The following CCDC157 variants were observed in gnomAD, a reference collection of about 807,000 sequenced individuals.
CCDC157 encodes coiled-coil domain-containing protein 157.
Under a neutral mutation model 70.9 loss-of-function variants are expected in CCDC157, and 60 were observed. That is an observed-to-expected ratio of 0.85 (90% CI 0.69 to 1.05). The LOEUF is 1.05. CCDC157 is among the 50% of genes least tolerant of loss of function. The pLI is 0.00. For missense variants in CCDC157, 943 were observed against 984.2 expected, an observed-to-expected ratio of 0.96 and a Z score of 0.56; for synonymous variants, 373 against 422.4, an observed-to-expected ratio of 0.88 and a Z score of 1.43.
chr22:30,370,354 C>T lies in CCDC157; in HGVS notation c.449C>T (p.Thr150Ile). 1 of 1,614,020 alleles carries T rather than the reference C, an allele frequency of 6.2e-7. No homozygotes were observed. Among genetic ancestry groups the T allele is most frequent in the Non-Finnish European group, 8.5e-7 (1 of 1,179,996 alleles). ...GGGGCAAACCAAAGGGAGACTCCCA[C>T]CTCCAAGCCCACCACCAAGGGCGAG... is the stretch of plus-strand genomic sequence containing the variant. ...QKGANQRETP[T>I]SKPTTKGEPA... is the part of the protein sequence containing the mutation. The change falls in exon 5 of 12, where the codon ACC becomes ATC. Residue 150 changes from threonine to isoleucine, a missense_variant. Physicochemically the swap from Thr to Ile is moderately conservative, Grantham distance 89. Coordinates refer to ENST00000338306, the MANE Select transcript of CCDC157 (RefSeq NM_001017437.5).
chr22:30,356,913 G>C (rs1399796307), upstream of CCDC157: 4 of 847,584 alleles, frequency 4.7e-6, no homozygotes, highest in East Asian at 1.0e-4. Flanking sequence ...AGCGAGTTGC[G>C]GCCGCGAAGG....
In CCDC157 at chr22:30,377,338, A is replaced by G. The variant is rs115620247; in HGVS notation, c.*593A>G. On this transcript the variant is annotated 3_prime_UTR_variant, in exon 12 of 12. Transcript: ENST00000338306. The stretch of plus-strand genomic sequence containing the variant: ...TCTAAATCCTGGAGATCATAGCCCC[A>G]GGAGGCCACTGAAGGCGGGGCAAGG... 6.8e-3 allele frequency: 1,057 copies of G among 155,002 alleles called. 16 individuals are homozygous for G. The highest frequency in any genetic ancestry group is 0.024 in the African/African-American group (995 of 41,570). The allele number at this position is 155,002 out of a possible 1,614,324, so 9.6% of individuals were successfully genotyped here.
chr22:30,357,725 C>T (rs1932009862), intron 1 of CCDC157, among the ~76,000 whole-genome samples: 1 of 150,884 alleles, frequency 6.6e-6, no homozygotes, highest in African/African-American at 2.4e-5. Context: ...CCATGCTGGC[C>T]AGGCTGGTCT....
Position 30,377,294 on chromosome 22 carries a change from T to C in CCDC157, c.*549T>C. ...GGAACTCCTTGCCTTTAGGAAATGG[T>C]GACCGTCATGAAGGTTTCTCTAAAT... On this transcript the variant is annotated 3_prime_UTR_variant, in exon 12 of 12. Transcript: ENST00000338306. 6.4e-6 allele frequency: 1 copy of C among 157,138 alleles called. No individual in the cohort carries two copies. The highest frequency in any genetic ancestry group is 1.4e-5 in the Non-Finnish European group (1 of 70,632). The allele number at this position is 157,138 out of a possible 1,614,324, so 9.7% of individuals were successfully genotyped here.
intron 9 of CCDC157, 71 bp from the exon 10 acceptor site, chr22:30,375,408 C>A (rs1933278129): frequency 2.7e-6 from 4 of 1,479,620 alleles, no homozygotes; most frequent in Non-Finnish European, 3.8e-6. Context: ...CTACACAGCT[C>A]CTTTGTGCCT....
intron 5 of CCDC157, 114 bp downstream of exon 5, chr22:30,371,064 C>G (rs1932917787): frequency 1.5e-6 from 2 of 1,312,218 alleles, no homozygotes; most frequent in African/African-American, 2.9e-5. Context: ...AGAACCCAGG[C>G]TGGGACACAG....
chr22:30,373,880 G>T (rs1385730496), intron 8 of CCDC157, 43 bp from the exon 9 acceptor site: 1 of 1,579,948 alleles, frequency 6.3e-7, no homozygotes, highest in East Asian at 2.3e-5. Flanking sequence ...TGAGTACCAT[G>T]TAGCTCACTC....
chr22:30,356,673 G>T, upstream of CCDC157: 2 of 1,324,522 alleles, frequency 1.5e-6, no homozygotes, highest in Non-Finnish European at 1.0e-6. Context: ...TCCTGTGCGA[G>T]TAAGGAGCGC....
chr22:30,363,241 C>G (rs1037411428), intron 2 of CCDC157, among the ~76,000 whole-genome samples: 30 of 152,172 alleles, frequency 2.0e-4, no homozygotes, highest in African/African-American at 7.0e-4. Flanking sequence ...TCATCCAGAT[C>G]GCCACCTTCA....
chr22:30,371,197 G>T, intron 5 of CCDC157: 1 of 572,858 alleles, frequency 1.7e-6, no homozygotes, highest in Non-Finnish European at 3.1e-6. Context: ...CTCGTCCATC[G>T]GTCAGTGAGG....
intron 8 of CCDC157, 76 bp downstream of exon 8, chr22:30,373,840 T>C: frequency 6.5e-7 from 1 of 1,535,998 alleles, no homozygotes; most frequent in Admixed American, 2.0e-5. Flanking sequence ...CCCATGTCTT[T>C]TCTTGGGTAG....
At chr22:30,371,956 C>T (rs562156181) in intron 6 of CCDC157, 119 bp from the exon 7 acceptor site, 32 of 800,322 alleles carry the variant, frequency 4.0e-5, no homozygotes, top group Admixed American at 2.7e-5. Context: ...GGGTCTAGAG[C>T]CCCATTTTGT....
chr22:30,361,592 G>T (rs1009329931), intron 1 of CCDC157, among the ~76,000 whole-genome samples: 1 of 152,202 alleles, frequency 6.6e-6, no homozygotes, highest in Non-Finnish European at 1.5e-5. Flanking sequence ...AAAATTGTGT[G>T]TGTGGCTTAT....
intron 7 of CCDC157, chr22:30,372,550 C>G (rs1474781809): frequency 2.5e-6 from 1 of 407,778 alleles, no homozygotes; most frequent in Non-Finnish European, 4.3e-6. Flanking sequence ...GTGCCACACT[C>G]TCCTGCCAGA....
chr22:30,356,861 C>G, upstream of CCDC157: 3 of 1,237,816 alleles, frequency 2.4e-6, no homozygotes, highest in Non-Finnish European at 3.1e-6. Context: ...GACAGCCTCC[C>G]CGCTCGGTCA....
intron 8 of CCDC157, 60 bp from the exon 9 acceptor site, chr22:30,373,863 A>G (rs985361251): frequency 4.0e-5 from 62 of 1,553,720 alleles, no homozygotes; most frequent in Non-Finnish European, 5.1e-5. Context: ...ACGGTGCCCC[A>G]GGGCGCTGAG....
At position 30,376,477 on chromosome 22, in the gene CCDC157, C is replaced by T. The variant is rs368079397; in HGVS notation, c.1991C>T (p.Thr664Ile). The change falls in exon 12 of 12, where the codon ACC (threonine) becomes ATC (isoleucine). Residue 664 changes from threonine to isoleucine, a missense_variant. Physicochemically the swap from Thr to Ile is moderately conservative, Grantham distance 89. Transcript: ENST00000338306. ...CTTCCTAGCAGCAGGACGGGTAGGACCCTGCTGGGCCAGCCCTGCACATCC... is the reference window on the plus strand; with the variant it reads ...CTTCCTAGCAGCAGGACGGGTAGGATCCTGCTGGGCCAGCCCTGCACATCC... ...QHLPSSRTGR[T>I]LLGQPCTSPP... The T allele has an allele frequency of 6.8e-6, 11 of 1,613,828 alleles. No homozygotes were observed. In the East Asian group the frequency reaches 1.8e-4, roughly 26 times the overall value.
intron 5 of CCDC157, 110 bp from the exon 6 acceptor site, chr22:30,371,540 G>A (rs570053602): frequency 3.9e-4 from 347 of 894,376 alleles, no homozygotes; most frequent in Non-Finnish European, 5.8e-4. Context: ...GCCGCAGGCG[G>A]CCCCTCTGCA....
At chr22:30,375,717 G>A (rs73168625) in intron 10 of CCDC157, 54 bp downstream of exon 10, 60 of 1,505,014 alleles carry the variant, frequency 4.0e-5, no homozygotes, top group Non-Finnish European at 5.2e-5. Flanking sequence ...CTATCCAGCA[G>A]CAGGTCTTCA....
Sources: gnomAD v4.1 joint callset for allele counts (sites outside exome capture counted in the v4.1 genomes callset) on GRCh38, gnomAD v4.1.1 for gene constraint, MANE v1.5 for transcripts, NCBI Gene and HGNC (gene_info 2026-07-23, HGNC 2026-07-21) for gene names.